Variants in NUP160 observed in about 807,000 individuals in gnomAD.
NUP160 encodes the protein nucleoporin 160.
Under a neutral mutation model 196.9 loss-of-function variants are expected in NUP160, and 94 were observed. The ratio of observed to expected loss-of-function variants is 0.48; its 90% CI spans 0.40 to 0.57. The LOEUF (loss-of-function observed/expected upper bound fraction) is 0.57. Ranked by LOEUF, NUP160 falls within the 20% of genes least tolerant of loss-of-function variation. The pLI is 0.00. For missense variants in NUP160, 1,638 were observed against 1,748.3 expected (o/e 0.94, Z 1.13); for synonymous variants, 605 against 619.7 (o/e 0.98, Z 0.35).
intron 7 of NUP160, among the ~76,000 whole-genome samples, chr11:47,824,791 TA>T (rs1851934809): frequency 6.6e-6 from 1 of 150,656 alleles, no homozygotes. Context: ...AGGCATGTTC[TA>T]CCCGACCCAG....
At chr11:47,809,297 A>G (rs1216667799) in intron 17 of NUP160, among the ~76,000 whole-genome samples, 1 of 151,566 alleles carries the variant, frequency 6.6e-6, no homozygotes, top group Non-Finnish European at 1.5e-5. Context: ...GACACAGGGA[A>G]ATCTAAATTC....
chr11:47,825,602 C>T (rs1322199322), intron 7 of NUP160, among the ~76,000 whole-genome samples: 1 of 152,000 alleles, frequency 6.6e-6, no homozygotes, highest in Non-Finnish European at 1.5e-5. Flanking sequence ...TACAGGCACG[C>T]ACTACCATGC....
At chr11:47,839,886 A>C in exon 4 of NUP160, 1 of 1,614,210 alleles carries the variant, frequency 6.2e-7, no homozygotes, top group Non-Finnish European at 8.5e-7. Context: ...AGATTCCCCC[A>C]GAAGCACATG....
chr11:47,791,812 C>T, intron 29 of NUP160, 118 bp downstream of exon 29: 1 of 707,662 alleles, frequency 1.4e-6, no homozygotes, highest in Non-Finnish European at 2.4e-6. Context: ...ACTACTATAA[C>T]ATTTATATAT....
intron 23 of NUP160, among the ~76,000 whole-genome samples, chr11:47,800,717 T>A (rs2097673740): frequency 6.6e-6 from 1 of 152,128 alleles, no homozygotes; most frequent in Non-Finnish European, 1.5e-5. Flanking sequence ...ACAAATCTAC[T>A]TCAGTGTAAA....
At position 47,840,601 on chromosome 11, in the gene NUP160, A is replaced by C. The variant is rs762520597; in HGVS notation, c.315-13T>G. On this transcript the variant is annotated splice_polypyrimidine_tract_variant and intron_variant, in intron 2 of 35. Coordinates refer to ENST00000378460, the Ensembl canonical transcript of NUP160. ...TCCAGAGGTCTTCCTGTTGAAAAAGAGACATTTGTTTGAAAAGTTTATGCT... is the reference window on the plus strand; with the variant it reads ...TCCAGAGGTCTTCCTGTTGAAAAAGCGACATTTGTTTGAAAAGTTTATGCT... The C allele has an allele frequency of 1.9e-6, 3 of 1,557,196 alleles. No homozygotes were observed. The East Asian group carries it at 6.8e-5, about 35-fold the overall frequency.
intron 10 of NUP160, among the ~76,000 whole-genome samples, chr11:47,819,129 C>CA (rs1851801110): frequency 1.3e-5 from 2 of 152,104 alleles, no homozygotes; most frequent in African/African-American, 4.8e-5. Flanking sequence ...GCCTGAACAA[C>CA]ATGGTGAAAC....
At chr11:47,815,866 C>A in intron 12 of NUP160, 80 bp downstream of exon 12, 1 of 1,138,980 alleles carries the variant, frequency 8.8e-7, no homozygotes, top group Non-Finnish European at 1.3e-6. Context: ...GTGAAGAATT[C>A]CAGTAATTCC....
intron 17 of NUP160, among the ~76,000 whole-genome samples, chr11:47,810,548 C>CTTT (rs747018018): frequency 7.2e-6 from 1 of 139,452 alleles, no homozygotes; most frequent in Non-Finnish European, 1.6e-5. Context: ...TTTATAATTT[C>CTTT]TTTTTTTTTT....
At chr11:47,824,617 T>A (rs994248553) in intron 7 of NUP160, among the ~76,000 whole-genome samples, 41 of 151,458 alleles carry the variant, frequency 2.7e-4, no homozygotes, top group Non-Finnish European at 4.9e-4. Flanking sequence ...CAAAAAAAAA[T>A]AAAATAAAAT....
intron 2 of NUP160, chr11:47,841,688 T>A (rs1852300953): frequency 6.8e-6 from 2 of 296,214 alleles, no homozygotes; most frequent in South Asian, 7.6e-5. Flanking sequence ...ATAATTTTTG[T>A]TTGTTTGTTT....
At chr11:47,819,256 T>C in intron 10 of NUP160, 118 bp downstream of exon 10, 3 of 678,928 alleles carry the variant, frequency 4.4e-6, no homozygotes, top group East Asian at 2.8e-5. Context: ...GAGGTTGCAG[T>C]GAGCCAAGAT....
rs1005242859 is a variant in NUP160 at position 47,780,543 on chromosome 11, T to C, written c.4117-96A>G. 168 of 189,328 alleles carry C rather than the reference T, an allele frequency of 8.9e-4. 1 individual carries two copies. Among genetic ancestry groups the C allele is most frequent in the Non-Finnish European group, 1.4e-3 (141 of 102,134 alleles). The allele number at this position is 189,328 out of a possible 1,614,324, so 11.7% of individuals were successfully genotyped here. A position where few individuals can be genotyped will look rare whatever the true frequency, so the allele number is the denominator to read the frequency against. The stretch of plus-strand genomic sequence containing the variant: ...GGACTCTGTAGAATAAAATACCCTT[T>C]TTTTTTTTTTTTTTGAGATGGTCTT... On this transcript the variant is annotated intron_variant, in intron 34 of 35. Coordinates refer to ENST00000378460, the Ensembl canonical transcript of NUP160.
At chr11:47,799,505 G>A (rs773455573) in intron 23 of NUP160, among the ~76,000 whole-genome samples, 1 of 151,926 alleles carries the variant, frequency 6.6e-6, no homozygotes, top group Non-Finnish European at 1.5e-5. Context: ...TCCAAAATAC[G>A]CATTTATAAA....
intron 7 of NUP160, among the ~76,000 whole-genome samples, chr11:47,831,800 G>A (rs112485228): frequency 0.017 from 2,173 of 125,810 alleles, 37 homozygotes; most frequent in African/African-American, 0.051. Flanking sequence ...CTGAGATCGC[G>A]CCACTGTATT....
chr11:47,818,135 A>G lies in NUP160; in HGVS notation c.1363-11T>C. 1 of 1,580,812 alleles carries G rather than the reference A, an allele frequency of 6.3e-7. No homozygotes were observed. Among genetic ancestry groups the G allele is most frequent in the Non-Finnish European group, 8.7e-7 (1 of 1,152,890 alleles). On this transcript the variant is annotated splice_polypyrimidine_tract_variant and intron_variant, in intron 10 of 35. Transcript: ENST00000378460. ...TTGCAGATACATCTCCTATTAGAAC[A>G]TTAAAACAAAAGTTACTATTGTCCT... is the stretch of plus-strand genomic sequence containing the variant.
intron 2 of NUP160, among the ~76,000 whole-genome samples, chr11:47,844,563 T>C (rs910519084): frequency 2.0e-5 from 3 of 152,174 alleles, no homozygotes; most frequent in African/African-American, 4.8e-5. Context: ...CCTGAAATAC[T>C]CATTCCCCAG....
chr11:47,792,064 G>A (rs2097668194), intron 28 of NUP160, 74 bp from the exon 29 acceptor site: 3 of 992,086 alleles, frequency 3.0e-6, no homozygotes, highest in Admixed American at 2.4e-5. Flanking sequence ...GTGATTCATA[G>A]CTTTTATGCT....
intron 17 of NUP160, among the ~76,000 whole-genome samples, 193 bp downstream of exon 17, chr11:47,811,871 A>C (rs1012245576): frequency 6.6e-6 from 1 of 152,164 alleles, no homozygotes; most frequent in East Asian, 1.9e-4. Flanking sequence ...ATACTCTCAC[A>C]AGGATTACAA....
Sources: gnomAD v4.1 joint callset for allele counts (sites outside exome capture counted in the v4.1 genomes callset) on GRCh38, gnomAD v4.1.1 for gene constraint, MANE v1.5 for transcripts, NCBI Gene and HGNC (gene_info 2026-07-23, HGNC 2026-07-21) for gene names.